PLXNB1: variants seen among roughly 807,000 people sequenced by gnomAD.
PLXNB1 encodes the protein plexin B1, also known as plexin-B1.
PLXNB1 carries 106 observed loss-of-function variants against 209.4 expected under a neutral mutation model. The ratio of observed to expected loss-of-function variants is 0.51; its 90% CI spans 0.43 to 0.59. The LOEUF (loss-of-function observed/expected upper bound fraction) is 0.59. PLXNB1 is among the 20% of genes least tolerant of loss of function. PLXNB1 has a pLI of 0.00. For synonymous variants in PLXNB1, 1,167 were observed against 1,183.2 expected (o/e 0.99, Z 0.28); for missense variants, 2,357 against 2,853.2 (o/e 0.83, Z 3.96).
rs2038385407 is a variant in PLXNB1 at position 48,419,925 on chromosome 3, G to C, written c.2361C>G (p.Leu787=). The C allele has an allele frequency of 6.4e-7, 1 of 1,567,910 alleles. No individual in the cohort carries two copies. Among genetic ancestry groups the C allele is most frequent in the African/African-American group, 1.3e-5 (1 of 74,144 alleles). ...DFRPSATPED[L]LASPLSPSEV... ...CTGAGGGTGACAGCGGGGAGGCCAAGAGGTCCTCAGGTGTGGCTGAGGGTC... is the reference window on the plus strand; with the variant it reads ...CTGAGGGTGACAGCGGGGAGGCCAACAGGTCCTCAGGTGTGGCTGAGGGTC... Residue 787 remains leucine, a synonymous_variant, in exon 11 of 38, where the codon CTC becomes CTG. Transcript: ENST00000296440. This position sits in a 1 kb window ranked among gnomAD's most constrained non-coding sequence, Gnocchi z 5.7.
intron 1 of PLXNB1, among the ~76,000 whole-genome samples, chr3:48,425,835 CAGAG>C (rs71074245): frequency 2.8e-4 from 42 of 148,854 alleles, no homozygotes; most frequent in African/African-American, 5.1e-4. Flanking sequence ...CACACACACA[CAGAG>C]AGAGAGAGAT....
chr3:48,420,231 A>T lies in PLXNB1; in HGVS notation c.2055T>A (p.Pro685=). The change falls in exon 11 of 38, where the codon CCT becomes CCA. Residue 685 remains proline (P), a synonymous_variant. Transcript: ENST00000296440. ...GGGAGGGGCTGGGTCCACCTCTTGCAGGAGGGTCTGGGGAGACAAGCGGGC... is the reference window on the plus strand; with the variant it reads ...GGGAGGGGCTGGGTCCACCTCTTGCTGGAGGGTCTGGGGAGACAAGCGGGC... The part of the protein sequence containing the change: ...HQSPLVSPDP[P]ARGGPSPSPP... 6.4e-7 allele frequency: 1 copy of T among 1,550,862 alleles called. No homozygotes were observed. The highest frequency in any genetic ancestry group is 8.7e-7 in the Non-Finnish European group (1 of 1,147,812).
In PLXNB1 at chr3:48,419,791, A is replaced by G; in HGVS notation, c.2495T>C (p.Met832Thr). 14 of 1,598,052 alleles carry G rather than the reference A, an allele frequency of 8.8e-6. No homozygotes were observed. The highest frequency in any genetic ancestry group is 1.2e-5 in the Non-Finnish European group (14 of 1,171,880). ...GTCCAGGGCGGGCTTCACGGAGCCC[A>G]TGGCCCCTGGGAAAGTGGTGGCAGG... Reference protein sequence around the residue: ...TVPATTFPGAMGSVKPALDWL... With the variant: ...TVPATTFPGATGSVKPALDWL... The change falls in exon 11 of 38, where the codon ATG becomes ACG. Residue 832 changes from methionine to threonine, a missense_variant. Met to Thr is a moderately conservative substitution (Grantham distance 81). Coordinates refer to ENST00000296440, the MANE Select transcript of PLXNB1 (RefSeq NM_001130082.3). The surrounding 1 kb of genome is among the most constrained non-coding windows in gnomAD (Gnocchi z 5.7).
chr3:48,418,905 C>A lies in PLXNB1; in HGVS notation c.2955+12G>T. On this transcript the variant is annotated intron_variant, in intron 13 of 37. Coordinates refer to ENST00000296440, the MANE Select transcript of PLXNB1 (RefSeq NM_001130082.3). The surrounding 1 kb of genome is among the most constrained non-coding windows in gnomAD (Gnocchi z 6.6). ...GTGCACCCGTGCCCACCCAGGCGCT[C>A]ATGGTGTGCACCTGGTGCTGCTGGC... 1.2e-6 allele frequency: 2 copies of A among 1,613,872 alleles called. No individual in the cohort carries two copies. Among genetic ancestry groups the A allele is most frequent in the South Asian group, 2.2e-5 (2 of 91,056 alleles).
At chr3:48,420,593 G>A (rs1206720703) in intron 10 of PLXNB1, 72 bp downstream of exon 10, 38 of 1,226,478 alleles carry the variant, frequency 3.1e-5, no homozygotes, top group East Asian at 9.4e-5. Flanking sequence ...GACAGACCCC[G>A]GGCCATGAGA....
At chr3:48,412,981 G>A in intron 24 of PLXNB1, 22 bp from the exon 25 acceptor site, 1 of 1,612,270 alleles carries the variant, frequency 6.2e-7, no homozygotes, top group Non-Finnish European at 8.5e-7. Context: ...AAGAGGCCAG[G>A]TTAAGCACCT....
chr3:48,406,885 T>C lies in PLXNB1; in HGVS notation c.6166A>G (p.Ile2056Val). The C allele has an allele frequency of 6.2e-7, 1 of 1,613,344 alleles. No individual in the cohort carries two copies. The highest frequency in any genetic ancestry group is 8.5e-7 in the Non-Finnish European group (1 of 1,179,688). The part of the protein sequence containing the change: ...KRMVERYYAD[I>V]RQTVPASDQE... ...TCGCTGGCTGGGACAGTCTGTCTGA[T>C]GTCTGCATAGTACCTGCCAGAGAGC... is the stretch of plus-strand genomic sequence containing the variant. Residue 2056 changes from isoleucine (I) to valine (V), a missense_variant, in exon 36 of 38, where the codon ATC becomes GTC. By Grantham distance (29) the Ile-to-Val change is conservative. Coordinates refer to ENST00000296440, the MANE Select transcript of PLXNB1 (RefSeq NM_001130082.3). This position sits in a 1 kb window ranked among gnomAD's most constrained non-coding sequence, Gnocchi z 4.4.
chr3:48,412,143 CA>C, intron 27 of PLXNB1, 94 bp downstream of exon 27: 2 of 1,495,082 alleles, frequency 1.3e-6, no homozygotes, highest in South Asian at 2.3e-5. Flanking sequence ...TCTGCTCTGG[CA>C]CAAGTGTCCG....
At chr3:48,414,662 C>T (rs1366809980) in intron 21 of PLXNB1, 137 bp downstream of exon 21, 2 of 1,173,710 alleles carry the variant, frequency 1.7e-6, no homozygotes, top group African/African-American at 3.0e-5. Flanking sequence ...CCTCTGCCCC[C>T]ACCACAGCAA....
intron 1 of PLXNB1, among the ~76,000 whole-genome samples, chr3:48,428,704 C>T (rs868178052): frequency 6.6e-6 from 1 of 152,140 alleles, no homozygotes; most frequent in Non-Finnish European, 1.5e-5. Flanking sequence ...GCCCTGTTTT[C>T]TGTGTGTTGA....
rs1435502361 is a variant in PLXNB1, at chr3:48,405,204, G to A, written c.6303+520C>T. On this transcript the variant is annotated intron_variant, in intron 37 of 37. Coordinates refer to ENST00000296440, the MANE Select transcript of PLXNB1 (RefSeq NM_001130082.3). This position sits in a 1 kb window ranked among gnomAD's most constrained non-coding sequence, Gnocchi z 5.0. ...GAGCAGCAATAGCCATGTCACTGGT[G>A]CCACACAAACATCTAAGTGGACTAT... 1.3e-5 allele frequency among the ~76,000 whole-genome samples: 2 copies of A among 152,208 alleles called. No individual in the cohort carries two copies. The highest frequency in any genetic ancestry group is 3.8e-4 in the East Asian group (2 of 5,204).
Position 48,423,620 on chromosome 3 carries a change from C to T in PLXNB1, c.992G>A (p.Arg331Gln), listed in dbSNP as rs144682293. 3.6e-5 allele frequency: 58 copies of T among 1,614,236 alleles called. No individual in the cohort carries two copies. In the East Asian group the frequency reaches 8.7e-4, roughly 24 times the overall value. Residue 331 changes from arginine to glutamine, a missense_variant, in exon 3 of 38, where the codon CGG becomes CAG. By Grantham distance (43) the Arg-to-Gln change is conservative. Transcript: ENST00000296440. ...LCAFPLDEVD[R>Q]LANRTRDACY... The stretch of plus-strand genomic sequence containing the variant: ...GGCATCTCGCGTGCGATTAGCAAGC[C>T]GGTCCACCTCATCCAGGGGGAAGGC...
Position 48,413,149 on chromosome 3 carries a change from A to T in PLXNB1, c.4556T>A (p.Leu1519Gln). ...LMYRRKSKQA[L>Q]RDYKKVQIQL... ...GATCTGAACCTTCTTATAGTCCCTC[A>T]GGGCCTGCTTGCTCTTCCTCCTGCT... Residue 1519 changes from leucine to glutamine, a missense_variant, in exon 24 of 38, where the codon CTG becomes CAG. Physicochemically the swap from Leu to Gln is moderately radical, Grantham distance 113. Coordinates refer to ENST00000296440, the MANE Select transcript of PLXNB1 (RefSeq NM_001130082.3). The surrounding 1 kb of genome is among the most constrained non-coding windows in gnomAD (Gnocchi z 5.4). 1 of 1,612,916 alleles carries T rather than the reference A, an allele frequency of 6.2e-7. No individual in the cohort carries two copies. The highest frequency in any genetic ancestry group is 8.5e-7 in the Non-Finnish European group (1 of 1,179,918).
chr3:48,410,402 C>T lies in PLXNB1; in HGVS notation c.5521-22G>A, dbSNP rs1479355466. 6.2e-7 allele frequency: 1 copy of T among 1,609,494 alleles called. No individual in the cohort carries two copies. The highest frequency in any genetic ancestry group is 1.7e-5 in the Admixed American group (1 of 59,976). On this transcript the variant is annotated intron_variant, in intron 30 of 37. Coordinates refer to ENST00000296440, the MANE Select transcript of PLXNB1 (RefSeq NM_001130082.3). This position sits in a 1 kb window ranked among gnomAD's most constrained non-coding sequence, Gnocchi z 6.4. ...GGACCTGCTGAGCACAGCTGGTGATCCCTCCACCAGTCCCACCCCACCATG... is the reference window on the plus strand; with the variant it reads ...GGACCTGCTGAGCACAGCTGGTGATTCCTCCACCAGTCCCACCCCACCATG...
chr3:48,412,352 G>C, intron 26 of PLXNB1, 48 bp from the exon 27 acceptor site: 1 of 1,610,802 alleles, frequency 6.2e-7, no homozygotes, highest in Non-Finnish European at 8.5e-7. Flanking sequence ...GTGGGGCTGC[G>C]GGCCTCTCTA....
chr3:48,409,335 C>A lies in PLXNB1; in HGVS notation c.6081G>T (p.Leu2027=), dbSNP rs763028392. 11 of 1,614,166 alleles carry A rather than the reference C, an allele frequency of 6.8e-6. No individual in the cohort carries two copies. The South Asian group carries it at 1.1e-4, about 16-fold the overall frequency. ...MDACTLADHK[L]GRDSPINKLL... ...CCATCCCAGACTCGCTCACCCGGCC[C>A]AGCTTGTGGTCGGCCAGGGTGCAGG... Residue 2027 remains leucine (L), a synonymous_variant, in exon 34 of 38, where the codon CTG becomes CTT. Coordinates refer to ENST00000296440, the MANE Select transcript of PLXNB1 (RefSeq NM_001130082.3). The surrounding 1 kb of genome is among the most constrained non-coding windows in gnomAD (Gnocchi z 5.8).
Position 48,410,841 on chromosome 3 carries a change from G to C in PLXNB1, c.5416+27C>G, listed in dbSNP as rs200433339. 1 of 1,592,730 alleles carries C rather than the reference G, an allele frequency of 6.3e-7. No individual in the cohort carries two copies. Among genetic ancestry groups the C allele is most frequent in the Non-Finnish European group, 8.6e-7 (1 of 1,169,334 alleles). On this transcript the variant is annotated intron_variant, in intron 29 of 37. Transcript: ENST00000296440. The surrounding 1 kb of genome is among the most constrained non-coding windows in gnomAD (Gnocchi z 6.4). The stretch of plus-strand genomic sequence containing the variant: ...CAGCCCAGGCCCAACAGTGGCTCAG[G>C]TCCCCAGGGGCTCTCCACGCCCTCA...
rs994345249 is a variant in PLXNB1, at chr3:48,427,290, C to T, written c.-59-1957G>A. 7.2e-5 allele frequency among the ~76,000 whole-genome samples: 11 copies of T among 152,280 alleles called. No homozygotes were observed. The East Asian group carries it at 2.1e-3, about 29-fold the overall frequency. Reference sequence around the variant, plus strand: ...ACTGAGGAGGTCGGCCGCTGACCCACTCCAGGGAAAGTGGTCAGGCTTCTG... The same window carrying T: ...ACTGAGGAGGTCGGCCGCTGACCCATTCCAGGGAAAGTGGTCAGGCTTCTG... On this transcript the variant is annotated intron_variant, in intron 1 of 37. Transcript: ENST00000296440.
intron 1 of PLXNB1, among the ~76,000 whole-genome samples, chr3:48,426,573 C>T (rs1222527762): frequency 2.6e-5 from 4 of 152,228 alleles, no homozygotes; most frequent in African/African-American, 9.6e-5. Context: ...GTGAACAGGG[C>T]CGGGCACAAG....
Sources: allele counts gnomAD v4.1 joint callset (sites outside exome capture counted in the v4.1 genomes callset), GRCh38; gene constraint gnomAD v4.1.1; non-coding constraint Gnocchi (gnomAD v3.1); transcripts MANE v1.5; gene names NCBI Gene and HGNC (gene_info 2026-07-23, HGNC 2026-07-21).